Variants in LRRC75A observed in about 807,000 individuals in gnomAD.
The protein encoded by LRRC75A is leucine rich repeat containing 75A, also known as leucine-rich repeat-containing protein 75A.
LRRC75A carries 12 observed loss-of-function variants against 26.0 expected under a neutral mutation model. The observed-to-expected ratio is 0.46, with a 90% CI of 0.30 to 0.75. The LOEUF (loss-of-function observed/expected upper bound fraction) is 0.75, where lower values mean the gene tolerates loss of function less well. Among genes scored for constraint, LRRC75A ranks in the 30% least tolerant of loss-of-function variants. The pLI is 0.08. For synonymous variants in LRRC75A, 223 were observed against 219.3 expected (o/e 1.02, Z -0.15); for missense variants, 410 against 486.6 (o/e 0.84, Z 1.48).
chr17:16,477,744 T>C (rs2093824486), intron 1 of LRRC75A, among the ~76,000 whole-genome samples: 1 of 151,950 alleles, frequency 6.6e-6, no homozygotes, highest in Non-Finnish European at 1.5e-5. Context: ...ATAGTTCCCA[T>C]CTTAGGGCCC....
chr17:16,452,500 C>A (rs1036007916), intron 2 of LRRC75A, among the ~76,000 whole-genome samples: 1 of 151,550 alleles, frequency 6.6e-6, no homozygotes, highest in African/African-American at 2.4e-5. Context: ...TGCAGTGGCG[C>A]GGTCTTGGCT....
chr17:16,487,895 G>A (rs1012551697), intron 1 of LRRC75A, among the ~76,000 whole-genome samples: 2 of 152,216 alleles, frequency 1.3e-5, no homozygotes, highest in Non-Finnish European at 2.9e-5. Context: ...CTGCTTAAGA[G>A]GTGTGCGCCA....
At chr17:16,469,238 G>A (rs2093792182) in intron 1 of LRRC75A, among the ~76,000 whole-genome samples, 1 of 152,154 alleles carries the variant, frequency 6.6e-6, no homozygotes, top group South Asian at 2.1e-4. Context: ...AAGAAGGATT[G>A]TAAGTCGCCT....
chr17:16,477,131 C>T (rs186800958), intron 1 of LRRC75A, among the ~76,000 whole-genome samples: 25 of 152,208 alleles, frequency 1.6e-4, no homozygotes, highest in African/African-American at 5.8e-4. Flanking sequence ...GTGATCTACC[C>T]GCCTGGGCTT....
At chr17:16,444,174 G>A in intron 3 of LRRC75A, 43 bp from the exon 4 acceptor site, 1 of 1,483,700 alleles carries the variant, frequency 6.7e-7, no homozygotes, top group East Asian at 2.3e-5. Flanking sequence ...ACATAGGGCA[G>A]GCCTTTCCCC....
chr17:16,487,415 G>C (rs915216663), intron 1 of LRRC75A, among the ~76,000 whole-genome samples: 11 of 152,164 alleles, frequency 7.2e-5, no homozygotes, highest in Non-Finnish European at 7.3e-5. Flanking sequence ...GAGTCTCCAG[G>C]TGTCTGTCCA....
chr17:16,466,029 C>T (rs939007858), intron 1 of LRRC75A, among the ~76,000 whole-genome samples: 6 of 152,226 alleles, frequency 3.9e-5, no homozygotes, highest in African/African-American at 1.4e-4. Flanking sequence ...GGCCATGGCA[C>T]ACATTATTGC....
At chr17:16,484,455 C>T (rs2093841712) in intron 1 of LRRC75A, among the ~76,000 whole-genome samples, 1 of 152,148 alleles carries the variant, frequency 6.6e-6, no homozygotes, top group Admixed American at 6.5e-5. Flanking sequence ...GGGAGGTGTC[C>T]CTAATGCCTG....
intron 1 of LRRC75A, among the ~76,000 whole-genome samples, chr17:16,464,294 A>G (rs954422831): frequency 2.0e-5 from 3 of 152,208 alleles, no homozygotes; most frequent in African/African-American, 7.2e-5. Context: ...AGGCTTCTGA[A>G]GCACTGGCTG....
intron 1 of LRRC75A, among the ~76,000 whole-genome samples, chr17:16,468,407 A>G (rs2093785439): frequency 6.6e-6 from 1 of 152,270 alleles, no homozygotes; most frequent in Admixed American, 6.5e-5. Flanking sequence ...CACATGCTAC[A>G]GCATGGTGAA....
intron 2 of LRRC75A, among the ~76,000 whole-genome samples, chr17:16,454,938 T>A (rs573709154): frequency 2.6e-5 from 4 of 151,714 alleles, no homozygotes; most frequent in South Asian, 2.1e-4. Context: ...TTTTCTTTTT[T>A]TTTTTTAGTG....
intron 1 of LRRC75A, among the ~76,000 whole-genome samples, chr17:16,464,934 A>T (rs1245342097): frequency 2.0e-5 from 3 of 152,240 alleles, no homozygotes; most frequent in Non-Finnish European, 4.4e-5. Flanking sequence ...GCTGTGGCCC[A>T]GTGCCTGGTT....
At chr17:16,450,769 G>A (rs775314547) in intron 2 of LRRC75A, among the ~76,000 whole-genome samples, 2 of 152,222 alleles carry the variant, frequency 1.3e-5, no homozygotes, top group East Asian at 1.9e-4. Context: ...GATGGAGAGA[G>A]GGGTGGACAG....
chr17:16,489,775 G>A (rs539115972), intron 1 of LRRC75A, among the ~76,000 whole-genome samples: 1 of 152,350 alleles, frequency 6.6e-6, no homozygotes, highest in Non-Finnish European at 1.5e-5. Flanking sequence ...TCCCCAGCCA[G>A]GGGTTAAGGG....
chr17:16,478,618 AT>A (rs1211352194), intron 1 of LRRC75A: 6 of 152,134 alleles, frequency 3.9e-5, no homozygotes, highest in Non-Finnish European at 8.8e-5. Flanking sequence ...CACCAAAGCC[AT>A]TTCTATTCGC....
chr17:16,444,212 G>C (rs563860838), intron 3 of LRRC75A, 81 bp from the exon 4 acceptor site: 3 of 1,196,554 alleles, frequency 2.5e-6, no homozygotes, highest in Non-Finnish European at 3.5e-6. Flanking sequence ...GCCTCTGCTC[G>C]GCTCTCCGAC....
In LRRC75A at chr17:16,442,111, C is replaced by T. The variant is rs1323873348; in HGVS notation, c.*1477G>A. On this transcript the variant is annotated 3_prime_UTR_variant, in exon 4 of 4. Coordinates refer to ENST00000470794, the MANE Select transcript of LRRC75A (RefSeq NM_001113567.3). ...ATATTCGCTCTAGCTTGTAAACTTC[C>T]CTGTGGTCAGCCTAAGCTCTTAACC... 1 of 152,264 alleles carries T rather than the reference C, an allele frequency of 6.6e-6. No individual in the cohort carries two copies. The highest frequency in any genetic ancestry group is 1.5e-5 in the Non-Finnish European group (1 of 68,118). The allele number at this position is 152,264 out of a possible 1,614,324, so 9.4% of individuals were successfully genotyped here. A position where few individuals can be genotyped will look rare whatever the true frequency, so the allele number is the denominator to read the frequency against.
intron 1 of LRRC75A, chr17:16,464,090 G>T (rs2093749499): frequency 6.6e-6 from 1 of 152,262 alleles, no homozygotes; most frequent in African/African-American, 2.4e-5. Context: ...GTGGTTAGGG[G>T]GCACTCTGCC....
chr17:16,464,594 C>T (rs1048506614), intron 1 of LRRC75A, among the ~76,000 whole-genome samples: 1 of 152,216 alleles, frequency 6.6e-6, no homozygotes, highest in Non-Finnish European at 1.5e-5. Flanking sequence ...CCCTGGAAGG[C>T]CCGTCCTCAC....
Sources: gnomAD v4.1 joint callset for allele counts (sites outside exome capture counted in the v4.1 genomes callset) on GRCh38, gnomAD v4.1.1 for gene constraint, MANE v1.5 for transcripts, NCBI Gene and HGNC (gene_info 2026-07-23, HGNC 2026-07-21) for gene names.